Variants in CPNE5 observed in about 807,000 individuals in gnomAD.
CPNE5 encodes copine-5.
CPNE5 carries 42 observed loss-of-function variants against 81.1 expected under a neutral mutation model. The observed-to-expected ratio is 0.52, with a 90% CI of 0.40 to 0.67. CPNE5 has a LOEUF of 0.67. CPNE5 is among the 30% of genes least tolerant of loss of function. The pLI, the probability that CPNE5 is intolerant of heterozygous loss-of-function variation, is 0.00. For missense variants in CPNE5, 612 were observed against 815.5 expected, an observed-to-expected ratio of 0.75 and a Z score of 3.04; for synonymous variants, 313 against 321.5, an observed-to-expected ratio of 0.97 and a Z score of 0.28.
chr6:36,741,935 A>T lies in CPNE5; in HGVS notation c.*333T>A. On this transcript the variant is annotated 3_prime_UTR_variant, in exon 21 of 21. Transcript: ENST00000244751. ...CAGGCTTCAGGGTGACAGGTAAGCA[A>T]ATAGGATTGCCGGGGGTGGGCGACA... 1 of 282,392 alleles carries T rather than the reference A, an allele frequency of 3.5e-6. No homozygotes were observed. Among genetic ancestry groups the T allele is most frequent in the South Asian group, 1.1e-4 (1 of 9,122 alleles). 17.5% of individuals were successfully genotyped at this position (282,392 alleles called of 1,614,324 possible).
intron 12 of CPNE5, among the ~76,000 whole-genome samples, chr6:36,761,207 C>G (rs1765994005): frequency 6.6e-6 from 1 of 152,160 alleles, no homozygotes; most frequent in Admixed American, 6.5e-5. Flanking sequence ...TTCTCTCTGA[C>G]TGGGGTGGGG....
chr6:36,756,935 G>C (rs1176682394), intron 12 of CPNE5, among the ~76,000 whole-genome samples: 2 of 152,204 alleles, frequency 1.3e-5, no homozygotes, highest in South Asian at 2.1e-4. Context: ...TCTCAACCAG[G>C]GGCGATTTTA....
At chr6:36,779,573 C>T (rs1442804703) in intron 8 of CPNE5, among the ~76,000 whole-genome samples, 1 of 152,202 alleles carries the variant, frequency 6.6e-6, no homozygotes, top group Admixed American at 6.5e-5. Flanking sequence ...ACCCAATGCT[C>T]TCAGGTAGAT....
intron 18 of CPNE5, 61 bp downstream of exon 18, chr6:36,744,987 C>G (rs1763970962): frequency 1.7e-6 from 2 of 1,192,808 alleles, no homozygotes; most frequent in South Asian, 1.2e-5. Flanking sequence ...CCCCAGGGTT[C>G]CCCTAACGGG....
At chr6:36,793,147 T>A (rs920444953) in intron 7 of CPNE5, among the ~76,000 whole-genome samples, 7 of 152,132 alleles carry the variant, frequency 4.6e-5, no homozygotes, top group African/African-American at 1.7e-4. Flanking sequence ...ACCAGCATGC[T>A]GTCTGTGGAA....
At chr6:36,744,543 G>A (rs1027981117) in intron 18 of CPNE5, 3 of 591,022 alleles carry the variant, frequency 5.1e-6, no homozygotes. Context: ...GAGAGAGGGA[G>A]GGTGGCAGGG....
intron 13 of CPNE5, 132 bp from the exon 14 acceptor site, chr6:36,753,227 C>T: frequency 1.5e-6 from 1 of 662,858 alleles, no homozygotes. Flanking sequence ...GCACTGCCCA[C>T]ACCACCCCAT....
intron 3 of CPNE5, among the ~76,000 whole-genome samples, chr6:36,812,319 T>G (rs189117560): frequency 6.6e-5 from 10 of 152,298 alleles, no homozygotes; most frequent in Non-Finnish European, 1.0e-4. Flanking sequence ...ATGTGGAGAC[T>G]GTACAGGGTA....
chr6:36,777,117 C>G (rs1202492467), intron 9 of CPNE5, among the ~76,000 whole-genome samples: 5 of 152,146 alleles, frequency 3.3e-5, no homozygotes, highest in Non-Finnish European at 7.4e-5. Flanking sequence ...TCTGATCAGA[C>G]CAGTTCCCCT....
At chr6:36,742,894 C>G in intron 20 of CPNE5, 1 of 985,420 alleles carries the variant, frequency 1.0e-6, no homozygotes, top group Non-Finnish European at 1.2e-6. Flanking sequence ...TCTCTTCGTT[C>G]CTTTTCTCTC....
chr6:36,819,070 C>A (rs902612346), intron 3 of CPNE5, among the ~76,000 whole-genome samples: 1 of 152,172 alleles, frequency 6.6e-6, no homozygotes, highest in Admixed American at 6.5e-5. Context: ...TTAGCCCAGC[C>A]CCTGTGGAAA....
At chr6:36,802,138 G>A (rs567365477) in intron 3 of CPNE5, among the ~76,000 whole-genome samples, 1 of 132,934 alleles carries the variant, frequency 7.5e-6, no homozygotes, top group Admixed American at 9.1e-5. Flanking sequence ...AGAATCGCTT[G>A]AACCCAGGAG....
intron 10 of CPNE5, among the ~76,000 whole-genome samples, chr6:36,774,285 A>T (rs1767304451): frequency 6.6e-6 from 1 of 152,004 alleles, no homozygotes; most frequent in South Asian, 2.1e-4. Flanking sequence ...CAGGAGGTAG[A>T]GGTGGAAGGA....
At chr6:36,838,244 C>A (rs555733342) in intron 1 of CPNE5, among the ~76,000 whole-genome samples, 2 of 152,312 alleles carry the variant, frequency 1.3e-5, no homozygotes, top group South Asian at 4.1e-4. Context: ...CAAGGAGCAA[C>A]CTGGAAGAGG....
chr6:36,745,133 T>C lies in CPNE5; in HGVS notation c.1346A>G (p.Gln449Arg), dbSNP rs1763994034. 6.2e-7 allele frequency: 1 copy of C among 1,613,732 alleles called. No individual in the cohort carries two copies. Among genetic ancestry groups the C allele is most frequent in the Non-Finnish European group, 8.5e-7 (1 of 1,179,852 alleles). ...CAGCACCGAGTACTGGGAGCCATCCTGCACGGCCGCTGCATTCCTGGGTGG... is the reference window on the plus strand; with the variant it reads ...CAGCACCGAGTACTGGGAGCCATCCCGCACGGCCGCTGCATTCCTGGGTGG... ...THVARNAAAV[Q>R]DGSQYSVLLI... Residue 449 changes from glutamine (Q) to arginine (R), a missense_variant, in exon 18 of 21, where the codon CAG becomes CGG. Gln to Arg is a conservative substitution (Grantham distance 43). Coordinates refer to ENST00000244751, the MANE Select transcript of CPNE5 (RefSeq NM_020939.2).
chr6:36,777,504 C>G (rs1202982437), intron 9 of CPNE5, among the ~76,000 whole-genome samples: 4 of 152,174 alleles, frequency 2.6e-5, no homozygotes, highest in African/African-American at 9.7e-5. Flanking sequence ...ACTCTGCCTC[C>G]CTGGAGGGGG....
chr6:36,743,668 C>A, intron 20 of CPNE5, 21 bp downstream of exon 20: 1 of 1,610,436 alleles, frequency 6.2e-7, no homozygotes. Flanking sequence ...TCCCATGGGG[C>A]AGGCAAGGCC....
chr6:36,779,076 G>T, intron 8 of CPNE5, 119 bp from the exon 9 acceptor site: 1 of 686,364 alleles, frequency 1.5e-6, no homozygotes, highest in Non-Finnish European at 2.6e-6. Context: ...CCGACTAAGT[G>T]CCAGGCCCTT....
intron 14 of CPNE5, among the ~76,000 whole-genome samples, chr6:36,751,493 A>G (rs1764817971): frequency 6.6e-6 from 1 of 152,232 alleles, no homozygotes; most frequent in African/African-American, 2.4e-5. Flanking sequence ...GCAAATGAAA[A>G]AAATAAATAG....
Sources: allele counts gnomAD v4.1 joint callset (sites outside exome capture counted in the v4.1 genomes callset), GRCh38; gene constraint gnomAD v4.1.1; transcripts MANE v1.5; gene names NCBI Gene and HGNC (gene_info 2026-07-23, HGNC 2026-07-21).